Variants in CSMD1 observed in about 807,000 individuals in gnomAD.
CSMD1 encodes the protein CUB and sushi domain-containing protein 1.
CSMD1 carries 213 observed loss-of-function variants against 417.5 expected under a neutral mutation model. That is an observed-to-expected ratio of 0.51 (90% CI 0.46 to 0.57). The LOEUF is 0.57. Among genes scored for constraint, CSMD1 ranks in the 20% least tolerant of loss-of-function variants. The pLI, the probability that CSMD1 is intolerant of heterozygous loss-of-function variation, is 0.00. For synonymous variants in CSMD1, 2,862 were observed against 1,736.8 expected (o/e 1.65, Z -16.11); for missense variants, 6,923 against 4,529.7 (o/e 1.53, Z -15.17).
At chr8:4,674,310 G>C (rs543185677) in intron 1 of CSMD1, among the ~76,000 whole-genome samples, 1 of 152,170 alleles carries the variant, frequency 6.6e-6, no homozygotes, top group African/African-American at 2.4e-5. Flanking sequence ...GACCTGGATT[G>C]AGGCTGAAAA....
intron 11 of CSMD1, among the ~76,000 whole-genome samples, chr8:3,490,868 GAA>G (rs151289632): frequency 1.3e-5 from 2 of 151,964 alleles, no homozygotes; most frequent in Non-Finnish European, 2.9e-5. Context: ...AAAATAAAAA[GAA>G]AAAAATTTTT....
intron 2 of CSMD1, among the ~76,000 whole-genome samples, chr8:4,422,837 A>T (rs921446196): frequency 3.3e-5 from 5 of 152,132 alleles, no homozygotes; most frequent in Non-Finnish European, 7.4e-5. Context: ...CGATGATCAA[A>T]TGGTGTTTAT....
rs57312004 is a variant in CSMD1, at chr8:3,759,554, G to C, written c.819-5512C>G. 8.4e-3 allele frequency among the ~76,000 whole-genome samples: 1,283 copies of C among 151,988 alleles called. 20 individuals are homozygous for C. The highest frequency in any genetic ancestry group is 0.03 in the African/African-American group (1,226 of 41,430). ...GAAAGAGATTATGGGGCAAATGGTG[G>C]AAAATGGGCATGAACAGAGACAAGA... On this transcript the variant is annotated intron_variant, in intron 5 of 69. Transcript: ENST00000635120.
chr8:3,833,192 G>C (rs905823565), intron 5 of CSMD1, among the ~76,000 whole-genome samples: 4 of 152,056 alleles, frequency 2.6e-5, no homozygotes, highest in African/African-American at 7.2e-5. Flanking sequence ...TTTGTCCAAA[G>C]AATTTTTAAT....
At chr8:3,992,832 T>C (rs749409929) in intron 5 of CSMD1, among the ~76,000 whole-genome samples, 10 of 152,260 alleles carry the variant, frequency 6.6e-5, no homozygotes, top group Non-Finnish European at 1.5e-4. Flanking sequence ...CCCATTTTAA[T>C]TGGTGGCACT....
intron 3 of CSMD1, among the ~76,000 whole-genome samples, chr8:4,228,604 TTC>T (rs1491529735): frequency 6.6e-6 from 1 of 151,792 alleles, no homozygotes; most frequent in East Asian, 1.9e-4. Context: ...TTTTTTTTTT[TTC>T]CTACCCTCAC....
chr8:3,831,157 C>A (rs144482982), intron 5 of CSMD1, among the ~76,000 whole-genome samples: 2 of 152,114 alleles, frequency 1.3e-5, no homozygotes, highest in Admixed American at 1.3e-4. Context: ...TCAAAAGAAA[C>A]CCAATTTATC....
intron 2 of CSMD1, among the ~76,000 whole-genome samples, chr8:4,456,183 A>G (rs569524300): frequency 2.6e-5 from 4 of 151,986 alleles, no homozygotes; most frequent in Non-Finnish European, 5.9e-5. Context: ...AAAGCATGAC[A>G]CAAACTTTAT....
intron 3 of CSMD1, among the ~76,000 whole-genome samples, chr8:4,289,471 A>G (rs1585166486): frequency 1.3e-5 from 2 of 152,288 alleles, no homozygotes; most frequent in Non-Finnish European, 2.9e-5. Context: ...GTCCAGTAGT[A>G]GCCAGATTTG....
At chr8:3,328,621 G>C (rs977170314) in intron 23 of CSMD1, among the ~76,000 whole-genome samples, 2 of 152,136 alleles carry the variant, frequency 1.3e-5, no homozygotes, top group African/African-American at 4.8e-5. Context: ...ATGTGTCTGA[G>C]GGTTCAGAAA....
intron 7 of CSMD1, among the ~76,000 whole-genome samples, chr8:3,652,416 G>A (rs1797902810): frequency 6.6e-6 from 1 of 152,172 alleles, no homozygotes; most frequent in Non-Finnish European, 1.5e-5. Flanking sequence ...GTTTGTTTCT[G>A]TCTCCTTCCC....
intron 2 of CSMD1, among the ~76,000 whole-genome samples, chr8:4,438,749 A>G (rs990668132): frequency 1.3e-5 from 2 of 152,258 alleles, no homozygotes; most frequent in Non-Finnish European, 2.9e-5. Flanking sequence ...TTGGTTACAA[A>G]TGAGTCCAAA....
At chr8:3,594,560 T>C (rs190099412) in intron 8 of CSMD1, among the ~76,000 whole-genome samples, 98 of 152,336 alleles carry the variant, frequency 6.4e-4, no homozygotes, top group African/African-American at 2.2e-3. Context: ...TCCATTACCA[T>C]GGAGGCTATC....
At chr8:4,838,082 C>A (rs1563548246) in intron 1 of CSMD1, among the ~76,000 whole-genome samples, 1 of 151,928 alleles carries the variant, frequency 6.6e-6, no homozygotes, top group African/African-American at 2.4e-5. Flanking sequence ...GTGGATTTGC[C>A]GGTAATAAAA....
chr8:4,111,442 C>G (rs1333356500), intron 3 of CSMD1, among the ~76,000 whole-genome samples: 2 of 151,992 alleles, frequency 1.3e-5, no homozygotes, highest in Non-Finnish European at 2.9e-5. Context: ...AGGATATATA[C>G]CCAGTAATGG....
At chr8:3,938,812 A>G (rs1225081761) in intron 5 of CSMD1, among the ~76,000 whole-genome samples, 1 of 152,184 alleles carries the variant, frequency 6.6e-6, no homozygotes, top group Non-Finnish European at 1.5e-5. Flanking sequence ...CTTCAGTAAA[A>G]TATTTAGCTA....
intron 1 of CSMD1, among the ~76,000 whole-genome samples, chr8:4,776,564 A>C (rs1367383399): frequency 6.6e-6 from 1 of 152,156 alleles, no homozygotes; most frequent in Admixed American, 6.6e-5. Flanking sequence ...TACGGGCTGC[A>C]TTGTTCTCCA....
chr8:4,046,475 G>T (rs1585199970), intron 3 of CSMD1, among the ~76,000 whole-genome samples: 1 of 152,152 alleles, frequency 6.6e-6, no homozygotes, highest in South Asian at 2.1e-4. Flanking sequence ...TTCATGAAAA[G>T]AGTCTTTCGG....
rs933091717 is a variant in CSMD1 at position 4,077,665 on chromosome 8, C to A, written c.416-45566G>T. Among the ~76,000 whole-genome samples the A allele has an allele frequency of 2.6e-5, 4 of 152,106 alleles. No homozygotes were observed. The East Asian group carries it at 7.7e-4, about 29-fold the overall frequency. Reference sequence around the variant, plus strand: ...GTGACAAAAGGGAGGTATATTTGATCTTTTTCATGTATTTGTTTCCTAAGA... The same window carrying A: ...GTGACAAAAGGGAGGTATATTTGATATTTTTCATGTATTTGTTTCCTAAGA... On this transcript the variant is annotated intron_variant, in intron 3 of 69. Coordinates refer to ENST00000635120, the MANE Select transcript of CSMD1 (RefSeq NM_033225.6).
Sources: gnomAD v4.1 joint callset for allele counts (sites outside exome capture counted in the v4.1 genomes callset) on GRCh38, gnomAD v4.1.1 for gene constraint, MANE v1.5 for transcripts, NCBI Gene and HGNC (gene_info 2026-07-23, HGNC 2026-07-21) for gene names.